Variants in GDAP1L1 observed in about 807,000 individuals in gnomAD.
GDAP1L1 encodes the protein ganglioside induced differentiation associated protein 1 like 1.
A neutral mutation model predicts 37.1 loss-of-function variants in GDAP1L1; 21 were observed. The ratio of observed to expected loss-of-function variants is 0.57; its 90% CI spans 0.40 to 0.81. GDAP1L1 has a LOEUF of 0.81. Among genes scored for constraint, GDAP1L1 ranks in the 40% least tolerant of loss-of-function variants. The pLI is 0.00. For missense variants in GDAP1L1, 362 were observed against 491.6 expected, an observed-to-expected ratio of 0.74 and a Z score of 2.49; for synonymous variants, 193 against 209.1, an observed-to-expected ratio of 0.92 and a Z score of 0.67.
chr20:44,256,767 C>G (rs2073556135), intron 1 of GDAP1L1, among the ~76,000 whole-genome samples: 1 of 152,100 alleles, frequency 6.6e-6, no homozygotes, highest in Non-Finnish European at 1.5e-5. Context: ...AATTGAGTGC[C>G]AATAATTTGT....
chr20:44,261,652 C>G (rs950307380), intron 3 of GDAP1L1, among the ~76,000 whole-genome samples: 2 of 152,182 alleles, frequency 1.3e-5, no homozygotes, highest in African/African-American at 4.8e-5. Flanking sequence ...GTACAGCAAG[C>G]AGGCAGGTTG....
chr20:44,259,182 C>A (rs2073626564), intron 3 of GDAP1L1, among the ~76,000 whole-genome samples: 1 of 152,162 alleles, frequency 6.6e-6, no homozygotes, highest in South Asian at 2.1e-4. Flanking sequence ...GTCCTAATGG[C>A]CAGCCTGGAC....
At chr20:44,252,324 C>T (rs936712889) in intron 1 of GDAP1L1, among the ~76,000 whole-genome samples, 8 of 152,124 alleles carry the variant, frequency 5.3e-5, no homozygotes, top group Non-Finnish European at 1.0e-4. Flanking sequence ...CCAGTCTGGC[C>T]AACAGGTGAA....
chr20:44,276,415 A>AGAAAGAAAGAAAGAAG (rs1568659486), intron 5 of GDAP1L1, among the ~76,000 whole-genome samples: 1 of 121,612 alleles, frequency 8.2e-6, no homozygotes, highest in African/African-American at 3.0e-5. Flanking sequence ...AAAAAGAAAA[A>AGAAAGAAAGAAAGAAG]GAAAGAAAGA....
Position 44,263,266 on chromosome 20 carries a change from T to C in GDAP1L1, c.584T>C (p.Leu195Pro), listed in dbSNP as rs1221949414. 3 of 1,614,114 alleles carry C rather than the reference T, an allele frequency of 1.9e-6. No homozygotes were observed. Among genetic ancestry groups the C allele is most frequent in the Non-Finnish European group, 2.5e-6 (3 of 1,179,988 alleles). The part of the protein sequence containing the change: ...LANATTDLMK[L>P]DHEEEPQLSE... ...AATGCCACCACGGACCTCATGAAAC[T>C]GGACCATGAAGAGGAGCCCCAGCTC... The change falls in exon 4 of 6, where the codon CTG becomes CCG. Residue 195 changes from leucine to proline, a missense_variant. Coordinates refer to ENST00000342560, the MANE Select transcript of GDAP1L1 (RefSeq NM_024034.6).
At chr20:44,275,562 G>A (rs555667122) in intron 5 of GDAP1L1, among the ~76,000 whole-genome samples, 2 of 152,150 alleles carry the variant, frequency 1.3e-5, no homozygotes, top group Admixed American at 1.3e-4. Context: ...AGAGACAAAG[G>A]CCCGGAGGCT....
At chr20:44,266,965 G>A (rs929887856) in intron 5 of GDAP1L1, among the ~76,000 whole-genome samples, 5 of 152,028 alleles carry the variant, frequency 3.3e-5, no homozygotes, top group Non-Finnish European at 7.4e-5. Context: ...AAAAAACATC[G>A]CAAAAAATTC....
At chr20:44,250,745 T>A (rs980621120) in intron 1 of GDAP1L1, among the ~76,000 whole-genome samples, 12 of 152,186 alleles carry the variant, frequency 7.9e-5, no homozygotes, top group African/African-American at 2.9e-4. Context: ...TCTAAATGCC[T>A]AAGGTCAATG....
Position 44,247,476 on chromosome 20 carries a change from G to C in GDAP1L1, c.142G>C (p.Val48Leu). ...CGCCCATTGGCCCAGGGAGAGCCTG[G>C]TTCTGTACCACTGGACCCAGTCCTT... ...SPAHWPRESL[V>L]LYHWTQSFSS... The change falls in exon 1 of 6, where the codon GTT (valine) becomes CTT (leucine). Residue 48 changes from valine to leucine, a missense_variant. Around this residue, in one of 2 missense-constraint regions of GDAP1L1, gnomAD observed 277 missense variants for 337.1 expected, o/e 0.82. Coordinates refer to ENST00000342560, the MANE Select transcript of GDAP1L1 (RefSeq NM_024034.6). The C allele has an allele frequency of 6.3e-7, 1 of 1,593,694 alleles. No individual in the cohort carries two copies. Among genetic ancestry groups the C allele is most frequent in the Non-Finnish European group, 8.5e-7 (1 of 1,169,946 alleles).
At chr20:44,249,269 C>G (rs903263797) in intron 1 of GDAP1L1, among the ~76,000 whole-genome samples, 7 of 152,132 alleles carry the variant, frequency 4.6e-5, no homozygotes, top group Non-Finnish European at 8.8e-5. Context: ...AACTCCTGAT[C>G]TCAAGTGATC....
chr20:44,277,247 G>T (rs189038087), intron 5 of GDAP1L1, among the ~76,000 whole-genome samples: 1 of 152,048 alleles, frequency 6.6e-6, no homozygotes, highest in Admixed American at 6.6e-5. Context: ...GATTACAGGC[G>T]TGAGCCACGG....
intron 5 of GDAP1L1, among the ~76,000 whole-genome samples, chr20:44,267,662 C>G (rs1289162642): frequency 2.0e-5 from 3 of 151,594 alleles, no homozygotes; most frequent in Non-Finnish European, 2.9e-5. Flanking sequence ...GTGCCTACGT[C>G]CCAGGGCTGC....
rs1402135138 is a variant in GDAP1L1, at chr20:44,247,519, A to T, written c.180+5A>T. On this transcript the variant is annotated splice_donor_5th_base_variant and intron_variant, in intron 1 of 5. Transcript: ENST00000342560. The stretch of plus-strand genomic sequence containing the variant: ...CAGTCCTTCAGCTCGCAGAAGGTAG[A>T]GCCGGGCCGGGAGCCGCCTGCGCCG... The T allele has an allele frequency of 6.7e-7, 1 of 1,486,848 alleles. No homozygotes were observed. The highest frequency in any genetic ancestry group is 9.0e-7 in the Non-Finnish European group (1 of 1,115,426). The allele number at this position is 1,486,848 out of a possible 1,614,324, so 92.1% of individuals were successfully genotyped here. A position where few individuals can be genotyped will look rare whatever the true frequency, so the allele number is the denominator to read the frequency against.
chr20:44,264,265 C>T (rs572028414), intron 4 of GDAP1L1, among the ~76,000 whole-genome samples, 180 bp from the exon 5 acceptor site: 1 of 151,948 alleles, frequency 6.6e-6, no homozygotes, highest in African/African-American at 2.4e-5. Context: ...GACAGCCAAG[C>T]TCACAGGACT....
Position 44,279,045 on chromosome 20 carries a change from G to A in GDAP1L1, c.849G>A (p.Leu283=). 6.2e-7 allele frequency: 1 copy of A among 1,614,148 alleles called. No homozygotes were observed. The highest frequency in any genetic ancestry group is 8.5e-7 in the Non-Finnish European group (1 of 1,179,996). The change falls in exon 6 of 6, where the codon CTG becomes CTA. Residue 283 remains leucine, a synonymous_variant. Transcript: ENST00000342560. ...LGATLHRLKF[L]GLSKKYWEDG... Reference sequence around the variant, plus strand: ...CCACCCTGCACCGCCTCAAGTTCCTGGGACTGTCCAAGAAATACTGGGAAG... The same window carrying A: ...CCACCCTGCACCGCCTCAAGTTCCTAGGACTGTCCAAGAAATACTGGGAAG...
chr20:44,276,467 A>AG (rs1555801146), intron 5 of GDAP1L1, among the ~76,000 whole-genome samples: 9 of 139,002 alleles, frequency 6.5e-5, no homozygotes, highest in East Asian at 2.1e-4. Flanking sequence ...AAAGAAAGAA[A>AG]AAGAAAGGCA....
At chr20:44,253,570 G>A (rs1425376233) in intron 1 of GDAP1L1, among the ~76,000 whole-genome samples, 1 of 152,238 alleles carries the variant, frequency 6.6e-6, no homozygotes, top group African/African-American at 2.4e-5. Context: ...ATGCGGCACT[G>A]TGGGTGATTT....
At chr20:44,277,262 C>T (rs1349753625) in intron 5 of GDAP1L1, among the ~76,000 whole-genome samples, 1 of 152,166 alleles carries the variant, frequency 6.6e-6, no homozygotes, top group Non-Finnish European at 1.5e-5. Context: ...CCACGGCGCC[C>T]AGCCAAAACT....
Position 44,279,074 on chromosome 20 carries a change from G to A in GDAP1L1, c.878G>A (p.Gly293Asp), listed in dbSNP as rs770611320. Residue 293 changes from glycine (G) to aspartate (D), a missense_variant, in exon 6 of 6, where the codon GGC becomes GAC. By Grantham distance (94) the Gly-to-Asp change is moderately conservative. Coordinates refer to ENST00000342560, the MANE Select transcript of GDAP1L1 (RefSeq NM_024034.6). ...CTGTCCAAGAAATACTGGGAAGATG[G>A]CAGCCGGCCCAACCTGCAGTCCTTC... ...LGLSKKYWED[G>D]SRPNLQSFFE... The A allele has an allele frequency of 1.3e-5, 21 of 1,614,034 alleles. No individual in the cohort carries two copies. Among genetic ancestry groups the A allele is most frequent in the Non-Finnish European group, 1.7e-5 (20 of 1,180,002 alleles).
Sources: allele counts gnomAD v4.1 joint callset (sites outside exome capture counted in the v4.1 genomes callset), GRCh38; gene constraint gnomAD v4.1.1; regional missense constraint gnomAD v4.1.1; transcripts MANE v1.5; gene names NCBI Gene and HGNC (gene_info 2026-07-23, HGNC 2026-07-21).